Variants in NCKAP5 observed in about 807,000 individuals in gnomAD.
NCKAP5 encodes nck-associated protein 5.
Under a neutral mutation model 167.0 loss-of-function variants are expected in NCKAP5, and 92 were observed. That is an observed-to-expected ratio of 0.55 (90% CI 0.47 to 0.66). The LOEUF (loss-of-function observed/expected upper bound fraction) is 0.66, where lower values mean the gene tolerates loss of function less well. NCKAP5 is among the 30% of genes least tolerant of loss of function. The pLI, the probability that NCKAP5 is intolerant of heterozygous loss-of-function variation, is 0.00. For synonymous variants in NCKAP5, 891 were observed against 877.4 expected (o/e 1.02, Z -0.27); for missense variants, 2,378 against 2,315.0 (o/e 1.03, Z -0.56).
chr2:133,274,493 C>T (rs2089649046), intron 4 of NCKAP5, among the ~76,000 whole-genome samples: 4 of 152,000 alleles, frequency 2.6e-5, no homozygotes, highest in Admixed American at 2.6e-4. Context: ...GATTTATACA[C>T]TCAACTTACC....
At chr2:132,871,762 G>A (rs1264339304) in intron 9 of NCKAP5, among the ~76,000 whole-genome samples, 1 of 151,228 alleles carries the variant, frequency 6.6e-6, no homozygotes, top group East Asian at 2.0e-4. Context: ...CTACTGACAT[G>A]AGGTTATATT....
chr2:133,562,357 T>A (rs1688220956), intron 1 of NCKAP5, among the ~76,000 whole-genome samples: 2 of 152,220 alleles, frequency 1.3e-5, no homozygotes, highest in South Asian at 4.1e-4. Context: ...ATTTTCTGAT[T>A]TATGAGCATG....
At chr2:132,896,010 C>T (rs144288601) in intron 8 of NCKAP5, among the ~76,000 whole-genome samples, 489 of 152,180 alleles carry the variant, frequency 3.2e-3, no homozygotes, top group African/African-American at 0.011. Flanking sequence ...TGGGAAGCAC[C>T]TGTAACCCCA....
chr2:133,544,796 A>G (rs1686521660), intron 2 of NCKAP5, among the ~76,000 whole-genome samples: 1 of 152,210 alleles, frequency 6.6e-6, no homozygotes, highest in Admixed American at 6.5e-5. Context: ...GTTCTATCCC[A>G]ATGATTACTT....
intron 8 of NCKAP5, among the ~76,000 whole-genome samples, chr2:132,956,432 T>A (rs2076346753): frequency 2.0e-5 from 3 of 152,206 alleles, no homozygotes; most frequent in Admixed American, 2.0e-4. Context: ...TTTCCTGGGT[T>A]ACATTCTAGA....
At chr2:133,088,612 T>C (rs1044275288) in intron 6 of NCKAP5, among the ~76,000 whole-genome samples, 3 of 152,128 alleles carry the variant, frequency 2.0e-5, no homozygotes, top group African/African-American at 7.2e-5. Context: ...TCAGATGCAA[T>C]GTTCCATTTT....
chr2:133,651,962 C>A, the NCKAP5 span, among the ~76,000 whole-genome samples: 3 of 152,068 alleles, frequency 2.0e-5, no homozygotes, highest in Non-Finnish European at 4.4e-5. Flanking sequence ...AGTTCATGGC[C>A]CACAGGCAGG....
intron 6 of NCKAP5, among the ~76,000 whole-genome samples, chr2:133,046,863 G>A (rs72996882): frequency 0.021 from 3,238 of 152,282 alleles, 93 homozygotes; most frequent in African/African-American, 0.072. Flanking sequence ...AACATAAGGG[G>A]TCGAGAGAAC....
In NCKAP5 at chr2:132,911,236, T is replaced by G. The variant is rs569353085; in HGVS notation, c.580-32320A>C. 6.0e-5 allele frequency: 10 copies of G among 165,874 alleles called. No individual in the cohort carries two copies. The East Asian group carries it at 1.4e-3, about 23-fold the overall frequency. The allele number at this position is 165,874 out of a possible 1,614,324, so 10.3% of individuals were successfully genotyped here. A position where few individuals can be genotyped will look rare whatever the true frequency, so the allele number is the denominator to read the frequency against. ...CATTTCAGACTCACGTCTTACAAAC[T>G]GATAAAGCACTTGTAACGCAGGTCT... On this transcript the variant is annotated intron_variant, in intron 8 of 19. Transcript: ENST00000409261.
chr2:132,761,881 C>A (rs1281541657), intron 16 of NCKAP5, among the ~76,000 whole-genome samples: 1 of 152,178 alleles, frequency 6.6e-6, no homozygotes, highest in Non-Finnish European at 1.5e-5. Flanking sequence ...GCCCAGCCTG[C>A]ACCACTCATT....
rs72994844 is a variant in NCKAP5 at position 132,944,776 on chromosome 2, T to C, written c.579+18944A>G. ...TTGAGCACGTAGAGCTATCTTTATA[T>C]AAATAAGAGAAAATGACTCTAAGGA... On this transcript the variant is annotated intron_variant, in intron 8 of 19. Transcript: ENST00000409261. Among the ~76,000 whole-genome samples, 1,123 of 152,288 alleles carry C rather than the reference T, an allele frequency of 7.4e-3. 20 individuals carry two copies. Among genetic ancestry groups the C allele is most frequent in the African/African-American group, 0.026 (1,062 of 41,554 alleles).
intron 11 of NCKAP5, among the ~76,000 whole-genome samples, chr2:132,807,986 A>G (rs567289325): frequency 6.6e-6 from 1 of 152,178 alleles, no homozygotes; most frequent in African/African-American, 2.4e-5. Flanking sequence ...ATTTTGTTGA[A>G]TGTTTTTTCT....
intron 4 of NCKAP5, among the ~76,000 whole-genome samples, chr2:133,289,734 A>C (rs1679434622): frequency 6.6e-6 from 1 of 152,064 alleles, no homozygotes; most frequent in Non-Finnish European, 1.5e-5. Context: ...AACAAAAAAA[A>C]ACAGCACAAC....
At chr2:133,496,212 C>T (rs1251321810) in intron 3 of NCKAP5, among the ~76,000 whole-genome samples, 3 of 152,184 alleles carry the variant, frequency 2.0e-5, no homozygotes, top group Non-Finnish European at 4.4e-5. Context: ...AAACCCTCCT[C>T]ACCTAAGAAA....
At position 133,047,575 on chromosome 2, in the gene NCKAP5, G is replaced by A. The variant is rs181800439; in HGVS notation, c.342-53336C>T. On this transcript the variant is annotated intron_variant, in intron 6 of 19. Transcript: ENST00000409261. ...AAATAATGATTGTGACTTTAAACCT[G>A]AAAAGCCTCATCTGTCCCACCTCCT... Among the ~76,000 whole-genome samples, 577 of 152,296 alleles carry A rather than the reference G, an allele frequency of 3.8e-3. 2 individuals carry two copies. The highest frequency in any genetic ancestry group is 0.013 in the African/African-American group (520 of 41,568).
chr2:133,520,146 G>A (rs1378460973), intron 2 of NCKAP5, among the ~76,000 whole-genome samples: 5 of 152,148 alleles, frequency 3.3e-5, no homozygotes, highest in African/African-American at 7.2e-5. Context: ...AGCCAAGATC[G>A]CGCCACTGCA....
intron 6 of NCKAP5, among the ~76,000 whole-genome samples, chr2:133,094,901 G>T (rs772265264): frequency 2.6e-5 from 4 of 152,128 alleles, no homozygotes; most frequent in African/African-American, 9.7e-5. Flanking sequence ...ATGACCCCTA[G>T]AAGTTTAGAG....
chr2:132,723,603 T>A (rs1690168561), intron 19 of NCKAP5, among the ~76,000 whole-genome samples: 2 of 152,206 alleles, frequency 1.3e-5, no homozygotes, highest in African/African-American at 2.4e-5. Context: ...AAATGAGAAC[T>A]CTTAGGAAAA....
At chr2:132,806,829 C>A (rs973046630) in intron 11 of NCKAP5, among the ~76,000 whole-genome samples, 5 of 152,154 alleles carry the variant, frequency 3.3e-5, no homozygotes, top group Non-Finnish European at 4.4e-5. Flanking sequence ...GGTTCTTGGT[C>A]ATGAAATCCT....
Sources: allele counts gnomAD v4.1 joint callset (sites outside exome capture counted in the v4.1 genomes callset), GRCh38; gene constraint gnomAD v4.1.1; transcripts MANE v1.5; gene names NCBI Gene and HGNC (gene_info 2026-07-23, HGNC 2026-07-21).